The following PPP1R16B variants were observed in gnomAD, a reference collection of about 807,000 sequenced individuals.
PPP1R16B encodes the protein protein phosphatase 1 regulatory subunit 16B.
Under a neutral mutation model 61.7 loss-of-function variants are expected in PPP1R16B, and 14 were observed. The observed-to-expected ratio is 0.23, with a 90% CI of 0.15 to 0.35. The LOEUF (loss-of-function observed/expected upper bound fraction) is 0.35. Ranked by LOEUF, PPP1R16B falls within the 10% of genes least tolerant of loss-of-function variation. The probability of loss-of-function intolerance (pLI) is 1.00; values close to 1 mark genes in which losing one functional copy is unlikely to be tolerated. For synonymous variants in PPP1R16B, 266 were observed against 305.3 expected, an observed-to-expected ratio of 0.87 and a Z score of 1.34; for missense variants, 547 against 752.5, an observed-to-expected ratio of 0.73 and a Z score of 3.19.
intron 1 of PPP1R16B, among the ~76,000 whole-genome samples, chr20:38,834,047 C>T (rs936579820): frequency 6.6e-6 from 1 of 152,246 alleles, no homozygotes; most frequent in African/African-American, 2.4e-5. Flanking sequence ...TGTTACCCAA[C>T]AACCATAAAC....
chr20:38,870,693 C>A (rs1426261539), intron 2 of PPP1R16B, among the ~76,000 whole-genome samples: 2 of 152,158 alleles, frequency 1.3e-5, no homozygotes, highest in African/African-American at 4.8e-5. Flanking sequence ...ATGGCCCATA[C>A]TGTAGGGGCC....
intron 1 of PPP1R16B, among the ~76,000 whole-genome samples, chr20:38,825,506 G>A (rs2084800350): frequency 2.6e-5 from 4 of 152,202 alleles, no homozygotes. Context: ...TCCATATGGA[G>A]TAAAATAGGG....
intron 2 of PPP1R16B, among the ~76,000 whole-genome samples, chr20:38,876,893 A>G (rs966515696): frequency 2.6e-5 from 4 of 152,246 alleles, no homozygotes; most frequent in African/African-American, 9.6e-5. Flanking sequence ...CAAACACAAA[A>G]TAAAAATCCC....
chr20:38,881,549 G>A (rs2145752970), intron 2 of PPP1R16B, among the ~76,000 whole-genome samples: 1 of 152,316 alleles, frequency 6.6e-6, no homozygotes, highest in Middle Eastern at 3.4e-3. Flanking sequence ...GGCCACCAGG[G>A]TGCTTGGAAG....
At chr20:38,888,325 G>A (rs112378800) in intron 2 of PPP1R16B, among the ~76,000 whole-genome samples, 4,811 of 152,262 alleles carry the variant, frequency 0.032, 107 homozygotes, top group Middle Eastern at 0.075. Flanking sequence ...ACGATGGCAC[G>A]AGGGCCACCC....
chr20:38,908,247 AG>A, intron 10 of PPP1R16B, 54 bp downstream of exon 10: 1 of 1,603,270 alleles, frequency 6.2e-7, no homozygotes, highest in Non-Finnish European at 8.5e-7. Flanking sequence ...GGAGGAGAAC[AG>A]GGCCCAGCCT....
rs2085568685 is a variant in PPP1R16B, at chr20:38,919,019, C to T, written c.*353C>T. Reference sequence around the variant, plus strand: ...TCACATTAACACACACACACACACACATATACACACACACACAAGCTCGAT... The same window carrying T: ...TCACATTAACACACACACACACACATATATACACACACACACAAGCTCGAT... On this transcript the variant is annotated 3_prime_UTR_variant, in exon 11 of 11. Coordinates refer to ENST00000299824, the MANE Select transcript of PPP1R16B (RefSeq NM_015568.4). 9 of 194,856 alleles carry T rather than the reference C, an allele frequency of 4.6e-5. No homozygotes were observed. Among genetic ancestry groups the T allele is most frequent in the South Asian group, 1.8e-4 (1 of 5,700 alleles). 12.1% of individuals were successfully genotyped at this position (194,856 alleles called of 1,614,324 possible).
rs375915012 is a variant in PPP1R16B at position 38,836,083 on chromosome 20, G to T, written c.158G>T (p.Arg53Leu). The T allele has an allele frequency of 1.2e-6, 2 of 1,611,658 alleles. No homozygotes were observed. The highest frequency in any genetic ancestry group is 1.1e-5 in the South Asian group (1 of 90,938). ...DLQHRKRKHERKRSTGGRRKK... is the reference protein window; with the variant it reads ...DLQHRKRKHELKRSTGGRRKK... ...CAGCACCGCAAGCGAAAGCATGAGC[G>T]GAAGCGCAGCACGGGCGGCCGCCGC... The change falls in exon 2 of 11, where the codon CGG (arginine) becomes CTG (leucine). Residue 53 changes from arginine to leucine, a missense_variant. By Grantham distance (102) the Arg-to-Leu change is moderately radical. Coordinates refer to ENST00000299824, the MANE Select transcript of PPP1R16B (RefSeq NM_015568.4).
chr20:38,822,012 A>AT (rs1482313680), intron 1 of PPP1R16B, among the ~76,000 whole-genome samples: 9 of 147,226 alleles, frequency 6.1e-5, no homozygotes, highest in Admixed American at 2.7e-4. Flanking sequence ...TATAATATAT[A>AT]TTATATTTAC....
At chr20:38,915,043 G>A (rs1416968495) in intron 10 of PPP1R16B, among the ~76,000 whole-genome samples, 1 of 151,912 alleles carries the variant, frequency 6.6e-6, no homozygotes, top group African/African-American at 2.4e-5. Context: ...TGAGTGGAAA[G>A]TACAGATATT....
chr20:38,852,935 A>G (rs558948286), intron 2 of PPP1R16B, among the ~76,000 whole-genome samples: 1 of 151,682 alleles, frequency 6.6e-6, no homozygotes. Flanking sequence ...CACCACGCCC[A>G]GCTAATTTTT....
intron 1 of PPP1R16B, among the ~76,000 whole-genome samples, chr20:38,834,528 A>T (rs1012633900): frequency 6.6e-6 from 1 of 151,660 alleles, no homozygotes; most frequent in African/African-American, 2.4e-5. Flanking sequence ...CAAGGATGTA[A>T]TTTTTTTTTA....
chr20:38,873,862 G>C (rs1175498259), intron 2 of PPP1R16B, among the ~76,000 whole-genome samples: 1 of 151,722 alleles, frequency 6.6e-6, no homozygotes, highest in Non-Finnish European at 1.5e-5. Context: ...CCAGGTAGCT[G>C]GGATTACAGG....
chr20:38,872,842 A>G (rs2085139713), intron 2 of PPP1R16B: 1 of 153,050 alleles, frequency 6.5e-6, no homozygotes, highest in Non-Finnish European at 1.5e-5. Context: ...TGGGTCTGGG[A>G]GATCTGGGCT....
chr20:38,911,245 C>A (rs2085487344), intron 10 of PPP1R16B, among the ~76,000 whole-genome samples: 1 of 150,016 alleles, frequency 6.7e-6, no homozygotes, highest in Non-Finnish European at 1.5e-5. Context: ...CGGCTCACTG[C>A]AACCTCCATC....
chr20:38,910,378 C>T (rs550264812), intron 10 of PPP1R16B, among the ~76,000 whole-genome samples: 4 of 152,176 alleles, frequency 2.6e-5, no homozygotes, highest in African/African-American at 9.7e-5. Flanking sequence ...GTTCTCTCTC[C>T]GTCCTTTCCC....
intron 2 of PPP1R16B, among the ~76,000 whole-genome samples, chr20:38,864,907 A>G (rs2085079512): frequency 6.6e-6 from 1 of 152,204 alleles, no homozygotes; most frequent in South Asian, 2.1e-4. Flanking sequence ...ATCGATTTGC[A>G]GACTGCCGGT....
rs1034273216 is a variant in PPP1R16B, at chr20:38,806,061, A to C, written c.-102+269A>C. On this transcript the variant is annotated intron_variant, in intron 1 of 10. Transcript: ENST00000299824. This position sits in a 1 kb window ranked among gnomAD's most constrained non-coding sequence, Gnocchi z 4.5. Reference sequence around the variant, plus strand: ...TTGACGAGGCCAGGGGAGGGGGCGCATTGGCAGGTTGTTGGCTGCGGCCGT... The same window carrying C: ...TTGACGAGGCCAGGGGAGGGGGCGCCTTGGCAGGTTGTTGGCTGCGGCCGT... 6.7e-6 allele frequency among the ~76,000 whole-genome samples: 1 copy of C among 148,264 alleles called. No homozygotes were observed. Among genetic ancestry groups the C allele is most frequent in the African/African-American group, 2.5e-5 (1 of 39,650 alleles).
rs117431511 is a variant in PPP1R16B at position 38,908,207 on chromosome 20, C to T, written c.1194+14C>T. On this transcript the variant is annotated intron_variant, in intron 10 of 10. Transcript: ENST00000299824. ...AATAAGGACCCTGTGAGTGGCCTCA[C>T]GCCCTGCCCTAGTGTCAGCCACTGC... is the stretch of plus-strand genomic sequence containing the variant. The T allele has an allele frequency of 2.0e-5, 33 of 1,613,846 alleles. No individual in the cohort carries two copies. In the Admixed American group the frequency reaches 2.2e-4, roughly 11 times the overall value.
Sources: gnomAD v4.1 joint callset for allele counts (sites outside exome capture counted in the v4.1 genomes callset) on GRCh38, gnomAD v4.1.1 for gene constraint, Gnocchi (gnomAD v3.1) non-coding constraint, MANE v1.5 for transcripts, NCBI Gene and HGNC (gene_info 2026-07-23, HGNC 2026-07-21) for gene names.